The following PCDHGA2 variants were observed in gnomAD, a reference collection of about 807,000 sequenced individuals.
PCDHGA2 encodes the protein protocadherin gamma-A2.
Under a neutral mutation model 59.2 loss-of-function variants are expected in PCDHGA2, and 40 were observed. That is an observed-to-expected ratio of 0.68 (90% CI 0.52 to 0.88). The LOEUF (loss-of-function observed/expected upper bound fraction) is 0.88. Ranked by LOEUF, PCDHGA2 falls within the 40% of genes least tolerant of loss-of-function variation. The pLI is 0.00. For synonymous variants in PCDHGA2, 560 were observed against 526.0 expected (o/e 1.06, Z -0.89); for missense variants, 1,226 against 1,204.0 (o/e 1.02, Z -0.27).
intron 1 of PCDHGA2, chr5:141,345,009 GGTCTT>G (rs765126062): frequency 1.2e-6 from 2 of 1,613,978 alleles, no homozygotes; most frequent in Non-Finnish European, 8.5e-7. Flanking sequence ...GGATGGACCA[GGTCTT>G]CTTTCAAGAG....
Position 141,414,954 on chromosome 5 carries a change from C to T in PCDHGA2, c.2424+73559C>T, listed in dbSNP as rs759955017. ...CCGCAGAGCCCGGCTACCTGGTGAC[C>T]AAGGTGGTGGCGGTGGACAGAGACT... On this transcript the variant is annotated intron_variant, in intron 1 of 3. Coordinates refer to ENST00000394576, the MANE Select transcript of PCDHGA2 (RefSeq NM_018915.4). 10 of 1,614,058 alleles carry T rather than the reference C, an allele frequency of 6.2e-6. No individual in the cohort carries two copies. The Admixed American group carries it at 1.7e-4, about 27-fold the overall frequency.
At position 141,340,495 on chromosome 5, in the gene PCDHGA2, C is replaced by T; in HGVS notation, c.1524C>T (p.Asn508=). The stretch of plus-strand genomic sequence containing the variant: ...CCTTATCCTCTTACATCTCTATCAA[C>T]TCCGACACTGGAGTACTCTATGCAC... ...GAPLSSYISI[N]SDTGVLYALR... Residue 508 remains asparagine (N), a synonymous_variant, in exon 1 of 4, where the codon AAC becomes AAT. Transcript: ENST00000394576. The T allele has an allele frequency of 1.9e-6, 3 of 1,614,226 alleles. No homozygotes were observed. The highest frequency in any genetic ancestry group is 2.5e-6 in the Non-Finnish European group (3 of 1,180,036).
intron 3 of PCDHGA2, among the ~76,000 whole-genome samples, chr5:141,510,330 C>T (rs1420880240): frequency 6.6e-6 from 1 of 151,298 alleles, no homozygotes; most frequent in Non-Finnish European, 1.5e-5. Context: ...GCACTCTTCA[C>T]CCCCACCCCA....
intron 1 of PCDHGA2, chr5:141,360,665 A>T (rs758728447): frequency 6.2e-7 from 1 of 1,614,024 alleles, no homozygotes; most frequent in Non-Finnish European, 8.5e-7. Context: ...GACAACGAGT[A>T]CTTTGATCTC....
At chr5:141,460,331 A>T (rs537463160) in intron 1 of PCDHGA2, among the ~76,000 whole-genome samples, 3 of 152,212 alleles carry the variant, frequency 2.0e-5, no homozygotes, top group African/African-American at 7.2e-5. Flanking sequence ...AAAACTTATG[A>T]TGATTTTCTC....
chr5:141,490,421 C>T lies in PCDHGA2; in HGVS notation c.2425-4386C>T. On this transcript the variant is annotated intron_variant, in intron 1 of 3. Coordinates refer to ENST00000394576, the MANE Select transcript of PCDHGA2 (RefSeq NM_018915.4). The surrounding 1 kb of genome is among the most constrained non-coding windows in gnomAD (Gnocchi z 5.4). ...AGCCTTGATATCTCTCCGGACCTGCCATTTCAGATTAAGCCTTCTGAGAAC... is the reference window on the plus strand; with the variant it reads ...AGCCTTGATATCTCTCCGGACCTGCTATTTCAGATTAAGCCTTCTGAGAAC... 1 of 1,614,192 alleles carries T rather than the reference C, an allele frequency of 6.2e-7. No homozygotes were observed. The highest frequency in any genetic ancestry group is 8.5e-7 in the Non-Finnish European group (1 of 1,180,016).
chr5:141,360,767 T>C (rs535475793), intron 1 of PCDHGA2: 8 of 1,613,940 alleles, frequency 5.0e-6, no homozygotes, highest in Non-Finnish European at 6.8e-6. Flanking sequence ...CATCAATTGG[T>C]CCTCACAGCT....
intron 1 of PCDHGA2, chr5:141,413,647 C>T (rs1371772412): frequency 1.2e-6 from 2 of 1,613,880 alleles, no homozygotes; most frequent in Non-Finnish European, 1.7e-6. Context: ...GCGTTTTCCT[C>T]TCCCGGAAGC....
At chr5:141,345,602 G>C (rs1205732203) in intron 1 of PCDHGA2, 1 of 1,614,174 alleles carries the variant, frequency 6.2e-7, no homozygotes, top group Admixed American at 1.7e-5. Flanking sequence ...TCGACTACGA[G>C]CAATTTAGAG....
rs752392369 is a variant in PCDHGA2 at position 141,422,109 on chromosome 5, A to G, written c.2425-72698A>G. ...AAAGCAAGGCTTCTGAAATATTCCA[A>G]TTGGATTCACAAACTGGAGAAGTTC... On this transcript the variant is annotated intron_variant, in intron 1 of 3. Coordinates refer to ENST00000394576, the MANE Select transcript of PCDHGA2 (RefSeq NM_018915.4). 6 of 1,606,850 alleles carry G rather than the reference A, an allele frequency of 3.7e-6. No homozygotes were observed. The African/African-American group carries it at 4.0e-5, about 11-fold the overall frequency.
chr5:141,400,591 C>A, intron 1 of PCDHGA2: 1 of 1,602,976 alleles, frequency 6.2e-7, no homozygotes, highest in Non-Finnish European at 8.5e-7. Flanking sequence ...ATGAAACTAT[C>A]GTACATTTTC....
intron 1 of PCDHGA2, chr5:141,389,404 C>G (rs2091742660): frequency 6.2e-7 from 1 of 1,613,498 alleles, no homozygotes; most frequent in African/African-American, 1.3e-5. Flanking sequence ...TCCATAAGCG[C>G]GGAGAGCGGG....
chr5:141,361,793 G>A, intron 1 of PCDHGA2: 1 of 1,613,244 alleles, frequency 6.2e-7, no homozygotes, highest in Non-Finnish European at 8.5e-7. Context: ...GTGTTAGTGG[G>A]CGACCTCAAT....
At chr5:141,365,669 G>A (rs1304025932) in intron 1 of PCDHGA2, 2 of 1,613,344 alleles carry the variant, frequency 1.2e-6, no homozygotes, top group Admixed American at 3.3e-5. Flanking sequence ...AGACGTTAAT[G>A]ACAACCCACC....
chr5:141,389,309 T>C (rs763262842), intron 1 of PCDHGA2: 1 of 1,613,900 alleles, frequency 6.2e-7, no homozygotes, highest in African/African-American at 1.3e-5. Context: ...TCAGGGCTTC[T>C]GATCCGGACT....
chr5:141,418,360 G>T (rs544948410), intron 1 of PCDHGA2: 4 of 1,613,990 alleles, frequency 2.5e-6, no homozygotes, highest in Non-Finnish European at 3.4e-6. Flanking sequence ...TGAATTCGCT[G>T]AGCAAATACC....
intron 2 of PCDHGA2, among the ~76,000 whole-genome samples, chr5:141,502,787 G>T (rs2099816081): frequency 6.6e-6 from 1 of 151,394 alleles, no homozygotes; most frequent in African/African-American, 2.4e-5. Flanking sequence ...TTACCTGGAT[G>T]ATTTCTTCAG....
intron 1 of PCDHGA2, chr5:141,379,749 T>A (rs1396117156): frequency 6.6e-6 from 1 of 152,138 alleles, no homozygotes; most frequent in African/African-American, 2.4e-5. Flanking sequence ...ATGAGGTTCT[T>A]TAATCCACCT....
intron 1 of PCDHGA2, among the ~76,000 whole-genome samples, chr5:141,397,282 T>A (rs2150702726): frequency 6.6e-6 from 1 of 152,350 alleles, no homozygotes; most frequent in South Asian, 2.1e-4. Context: ...ATGGGCAGTA[T>A]ACTTGAATGA....
Sources: gnomAD v4.1 joint callset for allele counts (sites outside exome capture counted in the v4.1 genomes callset) on GRCh38, gnomAD v4.1.1 for gene constraint, Gnocchi (gnomAD v3.1) non-coding constraint, MANE v1.5 for transcripts, NCBI Gene and HGNC (gene_info 2026-07-23, HGNC 2026-07-21) for gene names.